SLCO3A1: variants seen among roughly 807,000 people sequenced by gnomAD.
SLCO3A1 encodes the protein PGE1 transporter.
In SLCO3A1, 27 loss-of-function variants were observed where a neutral mutation model predicts 63.1. The ratio of observed to expected loss-of-function variants is 0.43; its 90% confidence interval spans 0.32 to 0.59. SLCO3A1 has a LOEUF of 0.59. SLCO3A1 is among the 20% of genes least tolerant of loss of function. The pLI is 0.09. For missense variants in SLCO3A1, 773 were observed against 945.8 expected, an observed-to-expected ratio of 0.82 and a Z score of 2.40; for synonymous variants, 473 against 409.9, an observed-to-expected ratio of 1.15 and a Z score of -1.86.
chr15:91,917,606 A>G (rs1898705587), intron 2 of SLCO3A1, among the ~76,000 whole-genome samples: 1 of 152,192 alleles, frequency 6.6e-6, no homozygotes, highest in Non-Finnish European at 1.5e-5. Flanking sequence ...CTCTCCATTC[A>G]GAGGATGGAG....
At position 91,883,039 on chromosome 15, in the gene SLCO3A1, C is replaced by T. The variant is rs1003095517; in HGVS notation, c.180+28951C>T. On this transcript the variant is annotated intron_variant, in intron 1 of 9. Transcript: ENST00000318445. The surrounding 1 kb of genome is among the most constrained non-coding windows in gnomAD (Gnocchi z 4.8). ...ATGCAAGCCAGGCAGGCGCCATCCA[C>T]TGTAAACAGAGAGGAGAATGGTGAG... Among the ~76,000 whole-genome samples the T allele has an allele frequency of 6.6e-6, 1 of 152,234 alleles. No homozygotes were observed. The highest frequency in any genetic ancestry group is 6.5e-5 in the Admixed American group (1 of 15,288).
intron 2 of SLCO3A1, among the ~76,000 whole-genome samples, chr15:92,027,574 AG>A (rs2151476831): frequency 6.6e-6 from 1 of 152,308 alleles, no homozygotes; most frequent in East Asian, 1.9e-4. Flanking sequence ...GTGCTCTCTA[AG>A]GACTTCTGTA....
Position 91,950,838 on chromosome 15 carries a change from C to A in SLCO3A1, c.646+34380C>A, listed in dbSNP as rs72754013. Among the ~76,000 whole-genome samples, 8,743 of 152,014 alleles carry A rather than the reference C, an allele frequency of 0.058. 365 individuals are homozygous for A. Among genetic ancestry groups the A allele is most frequent in the Non-Finnish European group, 0.086 (5,876 of 67,994 alleles). On this transcript the variant is annotated intron_variant, in intron 2 of 9. Transcript: ENST00000318445. The surrounding 1 kb of genome is among the most constrained non-coding windows in gnomAD (Gnocchi z 4.4). Reference sequence around the variant, plus strand: ...TTTAGTAATTTGATGACAGAGACTTCTTGGGAACCACAGCCAGGGAGCCAC... The same window carrying A: ...TTTAGTAATTTGATGACAGAGACTTATTGGGAACCACAGCCAGGGAGCCAC...
At chr15:92,162,339 G>T in intron 9 of SLCO3A1, 1 of 164,974 alleles carries the variant, frequency 6.1e-6, no homozygotes, top group Non-Finnish European at 1.3e-5. Context: ...TAGTAGAGAC[G>T]GGGTTTCACC....
chr15:91,977,304 C>T (rs1446306913), intron 2 of SLCO3A1, among the ~76,000 whole-genome samples: 1 of 152,062 alleles, frequency 6.6e-6, no homozygotes, highest in African/African-American at 2.4e-5. Flanking sequence ...TGTTGCTGAC[C>T]CTCCTTTCTG....
At chr15:91,973,333 C>G (rs376072603) in intron 2 of SLCO3A1, among the ~76,000 whole-genome samples, 32 of 152,330 alleles carry the variant, frequency 2.1e-4, no homozygotes, top group African/African-American at 7.7e-4. Flanking sequence ...TATCTCCATT[C>G]TGCTGATGAA....
chr15:92,165,737 T>C lies in SLCO3A1; in HGVS notation c.*2602T>C, dbSNP rs1349923589. Reference sequence around the variant, plus strand: ...ATAGTACCGAACAGAAAACTCAGTCTAGTTTTAATTTGCCTTTTGTGCTCT... The same window carrying C: ...ATAGTACCGAACAGAAAACTCAGTCCAGTTTTAATTTGCCTTTTGTGCTCT... On this transcript the variant is annotated 3_prime_UTR_variant, in exon 10 of 10. Transcript: ENST00000318445. 1 of 985,070 alleles carries C rather than the reference T, an allele frequency of 1.0e-6. No homozygotes were observed. The allele number at this position is 985,070 out of a possible 1,614,324, so 61.0% of individuals were successfully genotyped here. A position where few individuals can be genotyped will look rare whatever the true frequency, so the allele number is the denominator to read the frequency against.
At position 91,916,685 on chromosome 15, in the gene SLCO3A1, T is replaced by G. The variant is rs911910682; in HGVS notation, c.646+227T>G. Among the ~76,000 whole-genome samples, 1 of 152,212 alleles carries G rather than the reference T, an allele frequency of 6.6e-6. No individual in the cohort carries two copies. Among genetic ancestry groups the G allele is most frequent in the Non-Finnish European group, 1.5e-5 (1 of 68,024 alleles). On this transcript the variant is annotated intron_variant, in intron 2 of 9. Coordinates refer to ENST00000318445, the MANE Select transcript of SLCO3A1 (RefSeq NM_013272.4). The surrounding 1 kb of genome is among the most constrained non-coding windows in gnomAD (Gnocchi z 6.2). The stretch of plus-strand genomic sequence containing the variant: ...CGGCCGAATTTGAGCTCCACGGGGC[T>G]AGACCACTAACACCGCTTCAGTGGG...
chr15:92,081,020 A>G (rs2047339197), intron 2 of SLCO3A1, among the ~76,000 whole-genome samples: 1 of 150,976 alleles, frequency 6.6e-6, no homozygotes, highest in South Asian at 2.1e-4. Context: ...ACAGGCCTAC[A>G]ATGTGCAATA....
intron 2 of SLCO3A1, among the ~76,000 whole-genome samples, chr15:92,032,866 C>G (rs2046671876): frequency 8.0e-6 from 1 of 124,976 alleles, no homozygotes; most frequent in African/African-American, 3.3e-5. Flanking sequence ...AACAATTACT[C>G]TGAAATTTCA....
At chr15:92,114,279 C>T (rs965255461) in intron 4 of SLCO3A1, among the ~76,000 whole-genome samples, 7 of 152,158 alleles carry the variant, frequency 4.6e-5, no homozygotes, top group Non-Finnish European at 8.8e-5. Flanking sequence ...TCTTACGAGG[C>T]TATAACAGTT....
Position 91,900,890 on chromosome 15 carries a change from C to T in SLCO3A1, c.181-15103C>T, listed in dbSNP as rs867246834. 2.7e-4 allele frequency among the ~76,000 whole-genome samples: 41 copies of T among 152,238 alleles called. No individual in the cohort carries two copies. The South Asian group carries it at 4.3e-3, about 16-fold the overall frequency. ...CTTTATCCTTACTGATTTTCTGTCT[C>T]ATTGTTTTATCAATTATTGAGAGGG... On this transcript the variant is annotated intron_variant, in intron 1 of 9. Coordinates refer to ENST00000318445, the MANE Select transcript of SLCO3A1 (RefSeq NM_013272.4). This position sits in a 1 kb window ranked among gnomAD's most constrained non-coding sequence, Gnocchi z 4.3.
chr15:92,056,988 A>G (rs1040531074), intron 2 of SLCO3A1, among the ~76,000 whole-genome samples: 9 of 152,358 alleles, frequency 5.9e-5, no homozygotes, highest in African/African-American at 2.2e-4. Flanking sequence ...CCCTCCTGCC[A>G]GAAAATACAT....
intron 2 of SLCO3A1, among the ~76,000 whole-genome samples, chr15:92,002,043 A>G (rs554456076): frequency 6.6e-6 from 1 of 152,076 alleles, no homozygotes; most frequent in African/African-American, 2.4e-5. Context: ...ATCACTACAT[A>G]CGGAAGACCA....
At position 91,954,178 on chromosome 15, in the gene SLCO3A1, T is replaced by C. The variant is rs771210602; in HGVS notation, c.646+37720T>C. 1.3e-5 allele frequency among the ~76,000 whole-genome samples: 2 copies of C among 152,334 alleles called. No individual in the cohort carries two copies. Among genetic ancestry groups the C allele is most frequent in the South Asian group, 2.1e-4 (1 of 4,826 alleles). On this transcript the variant is annotated intron_variant, in intron 2 of 9. Transcript: ENST00000318445. This position sits in a 1 kb window ranked among gnomAD's most constrained non-coding sequence, Gnocchi z 4.7. Reference sequence around the variant, plus strand: ...GTTTTGACCTCCTAGACCTCTCTGCTCAAGGGTGTTAGAGACAGACCCCTA... The same window carrying C: ...GTTTTGACCTCCTAGACCTCTCTGCCCAAGGGTGTTAGAGACAGACCCCTA...
rs2048486899 is a variant in SLCO3A1, at chr15:92,165,526, A to G, written c.*2391A>G. Reference sequence around the variant, plus strand: ...AGAGAAAAAAAAAAGAAAGTTTTTTAAACTCTTTGCATTTTGGATTTTTTT... The same window carrying G: ...AGAGAAAAAAAAAAGAAAGTTTTTTGAACTCTTTGCATTTTGGATTTTTTT... On this transcript the variant is annotated 3_prime_UTR_variant, in exon 10 of 10. Coordinates refer to ENST00000318445, the MANE Select transcript of SLCO3A1 (RefSeq NM_013272.4). 2.0e-6 allele frequency: 2 copies of G among 984,450 alleles called. No individual in the cohort carries two copies. Among genetic ancestry groups the G allele is most frequent in the Non-Finnish European group, 2.4e-6 (2 of 829,070 alleles). The allele number at this position is 984,450 out of a possible 1,614,324, so 61.0% of individuals were successfully genotyped here. A position where few individuals can be genotyped will look rare whatever the true frequency, so the allele number is the denominator to read the frequency against.
intron 2 of SLCO3A1, among the ~76,000 whole-genome samples, chr15:92,001,657 CAT>C (rs1032928812): frequency 2.6e-5 from 4 of 152,128 alleles, no homozygotes; most frequent in African/African-American, 9.7e-5. Flanking sequence ...ATAAAACAAA[CAT>C]GTGCTGTTTA....
intron 2 of SLCO3A1, among the ~76,000 whole-genome samples, chr15:91,938,477 T>G (rs1899495574): frequency 7.7e-6 from 1 of 130,084 alleles, no homozygotes; most frequent in Non-Finnish European, 1.6e-5. Flanking sequence ...ACATTGGTTT[T>G]TTTTGTTTTT....
intron 2 of SLCO3A1, among the ~76,000 whole-genome samples, chr15:91,994,407 G>A (rs2151447090): frequency 6.6e-6 from 1 of 152,146 alleles, no homozygotes; most frequent in East Asian, 1.9e-4. Flanking sequence ...AGTCACAGTT[G>A]GTAAAATGTT....
Sources: allele counts gnomAD v4.1 joint callset (sites outside exome capture counted in the v4.1 genomes callset), GRCh38; gene constraint gnomAD v4.1.1; non-coding constraint Gnocchi (gnomAD v3.1); transcripts MANE v1.5; gene names NCBI Gene and HGNC (gene_info 2026-07-23, HGNC 2026-07-21).